LRRC57: variants seen among roughly 807,000 people sequenced by gnomAD.
LRRC57 encodes the protein leucine-rich repeat-containing protein 57.
Under a neutral mutation model 23.1 loss-of-function variants are expected in LRRC57, and 14 were observed. The ratio of observed to expected loss-of-function variants is 0.61; its 90% CI spans 0.40 to 0.95. The LOEUF is 0.95. Ranked by LOEUF, LRRC57 falls within the 40% of genes least tolerant of loss-of-function variation. The probability of loss-of-function intolerance (pLI) is 0.00; values close to 1 mark genes in which losing one functional copy is unlikely to be tolerated. For synonymous variants in LRRC57, 106 were observed against 115.2 expected (o/e 0.92, Z 0.51); for missense variants, 236 against 284.4 (o/e 0.83, Z 1.22).
At chr15:42,531,418 C>G in the LRRC57 span, 1 of 1,572,098 alleles carries the variant, frequency 6.4e-7, no homozygotes, top group Non-Finnish European at 8.6e-7. Context: ...TTCAGGCTGA[C>G]ACCAACAGAG....
At chr15:42,548,069 T>TGATC (rs1566827170) in intron 3 of LRRC57, 37 bp downstream of exon 3, 1 of 1,612,064 alleles carries the variant, frequency 6.2e-7, no homozygotes, top group Admixed American at 1.7e-5. Context: ...TGGTAACAGC[T>TGATC]GATCACTAGC....
Position 42,548,708 on chromosome 15 carries a change from T to C in LRRC57, c.-38A>G, listed in dbSNP as rs946677175. 5 of 631,800 alleles carry C rather than the reference T, an allele frequency of 7.9e-6. No individual in the cohort carries two copies. The highest frequency in any genetic ancestry group is 1.8e-5 in the African/African-American group (1 of 54,526). The allele number at this position is 631,800 out of a possible 1,614,324, so 39.1% of individuals were successfully genotyped here. On this transcript the variant is annotated 5_prime_UTR_variant, in exon 1 of 6. Coordinates refer to ENST00000397130, the MANE Select transcript of LRRC57 (RefSeq NM_153260.3). ...CCGGACTCGCCTCCCACCGCTCAGCTGCCGTAAGGCTCCGCAGGTGAAGAC... is the reference window on the plus strand; with the variant it reads ...CCGGACTCGCCTCCCACCGCTCAGCCGCCGTAAGGCTCCGCAGGTGAAGAC...
In LRRC57 at chr15:42,548,760, C is replaced by A. The variant is rs991235111; in HGVS notation, c.-90G>T. On this transcript the variant is annotated 5_prime_UTR_variant, in exon 1 of 6. Coordinates refer to ENST00000397130, the MANE Select transcript of LRRC57 (RefSeq NM_153260.3). ...CAGGACCCGCAGTAGCCGGGATGCGCTCCCCGGCTTAGTCCCGGGCGGGAA... is the reference window on the plus strand; with the variant it reads ...CAGGACCCGCAGTAGCCGGGATGCGATCCCCGGCTTAGTCCCGGGCGGGAA... 1.3e-5 allele frequency: 10 copies of A among 769,504 alleles called. No individual in the cohort carries two copies. The highest frequency in any genetic ancestry group is 5.4e-5 in the East Asian group (2 of 37,102). The allele number at this position is 769,504 out of a possible 1,614,324, so 47.7% of individuals were successfully genotyped here. A position where few individuals can be genotyped will look rare whatever the true frequency, so the allele number is the denominator to read the frequency against.
the LRRC57 span, chr15:42,529,526 T>C: frequency 5.4e-6 from 4 of 734,142 alleles, no homozygotes; most frequent in East Asian, 5.5e-5. Flanking sequence ...GTTTTTATTA[T>C]AGAATGTTTC....
At chr15:42,544,836 C>CTATATATATATATATATATATAT (rs1256583979) in intron 5 of LRRC57, among the ~76,000 whole-genome samples, 5 of 103,732 alleles carry the variant, frequency 4.8e-5, no homozygotes, top group African/African-American at 2.7e-4. Flanking sequence ...CACACACACA[C>CTATATATATATATATATATATAT]ACACACTATA....
At chr15:42,536,874 C>A (rs947092828), downstream of LRRC57, among the ~76,000 whole-genome samples, 1 of 152,106 alleles carries the variant, frequency 6.6e-6, no homozygotes, top group African/African-American at 2.4e-5. Context: ...AAAATTATAT[C>A]CCCCACTGAG....
intron 4 of LRRC57, among the ~76,000 whole-genome samples, chr15:42,545,833 G>A (rs2057655961): frequency 6.6e-6 from 1 of 152,002 alleles, no homozygotes; most frequent in African/African-American, 2.4e-5. Context: ...TCAAGTAGCT[G>A]TCTGTAATAC....
rs2057667036 is a variant in LRRC57, at chr15:42,547,616, G to A, written c.224-87C>T. ...GTTTATAAAGACTATATGGCAGCCT[G>A]CTTCGCCTCTTGTTAATATATGTAA... On this transcript the variant is annotated intron_variant, in intron 3 of 5. Transcript: ENST00000397130. The A allele has an allele frequency of 4.1e-6, 5 of 1,207,698 alleles. No individual in the cohort carries two copies. The African/African-American group carries it at 7.6e-5, about 18-fold the overall frequency. The allele number at this position is 1,207,698 out of a possible 1,614,324, so 74.8% of individuals were successfully genotyped here.
chr15:42,529,806 G>T, the LRRC57 span: 4 of 1,611,694 alleles, frequency 2.5e-6, no homozygotes, highest in South Asian at 2.2e-5. Flanking sequence ...CAAATAAAAC[G>T]AATCACAGAC....
In LRRC57 at chr15:42,539,779, A is replaced by G. The variant is rs971873936; in HGVS notation, c.*4304T>C. The stretch of plus-strand genomic sequence containing the variant: ...CTGTATATAGCCCTTGCCCTCAAAG[A>G]GTTAGTCTATCATGAAAGATAAATA... On this transcript the variant is annotated 3_prime_UTR_variant, in exon 6 of 6. Coordinates refer to ENST00000397130, the MANE Select transcript of LRRC57 (RefSeq NM_153260.3). 3.9e-5 allele frequency: 6 copies of G among 152,208 alleles called. No individual in the cohort carries two copies. The highest frequency in any genetic ancestry group is 1.2e-4 in the African/African-American group (5 of 41,450). The allele number at this position is 152,208 out of a possible 1,614,324, so 9.4% of individuals were successfully genotyped here.
chr15:42,529,827 C>T, the LRRC57 span: 1 of 1,609,366 alleles, frequency 6.2e-7, no homozygotes, highest in Non-Finnish European at 8.5e-7. Context: ...AAGGTAAAAG[C>T]TTTTTATTGC....
chr15:42,548,291 TC>T (rs1381894203), intron 2 of LRRC57, 47 bp from the exon 3 acceptor site: 1 of 1,613,670 alleles, frequency 6.2e-7, no homozygotes, highest in South Asian at 1.1e-5. Context: ...CCGACTAAGT[TC>T]GCCGCCCCCG....
downstream of LRRC57, among the ~76,000 whole-genome samples, chr15:42,534,157 G>T (rs1410492686): frequency 1.3e-5 from 2 of 152,188 alleles, no homozygotes. Flanking sequence ...TTGAGAAGGA[G>T]TCTTGCTCTG....
At chr15:42,528,506 TAAAAC>T in the LRRC57 span, 2 of 1,214,530 alleles carry the variant, frequency 1.6e-6, no homozygotes, top group African/African-American at 3.1e-5. Flanking sequence ...TGACCCCTAA[TAAAAC>T]AAATAAAAAT....
chr15:42,548,076 T>C (rs780945078), intron 3 of LRRC57, 30 bp downstream of exon 3: 2 of 1,612,864 alleles, frequency 1.2e-6, no homozygotes, highest in Admixed American at 1.7e-5. Flanking sequence ...AGCTGATCAC[T>C]AGCAAAAGCC....
Position 42,548,728 on chromosome 15 carries a change from G to T in LRRC57, c.-58C>A. Reference sequence around the variant, plus strand: ...TCAGCTGCCGTAAGGCTCCGCAGGTGAAGACCCAGGACCCGCAGTAGCCGG... The same window carrying T: ...TCAGCTGCCGTAAGGCTCCGCAGGTTAAGACCCAGGACCCGCAGTAGCCGG... On this transcript the variant is annotated 5_prime_UTR_variant, in exon 1 of 6. Coordinates refer to ENST00000397130, the MANE Select transcript of LRRC57 (RefSeq NM_153260.3). 1.5e-6 allele frequency: 1 copy of T among 654,758 alleles called. No individual in the cohort carries two copies. Among genetic ancestry groups the T allele is most frequent in the Non-Finnish European group, 2.6e-6 (1 of 384,798 alleles). 40.6% of individuals were successfully genotyped at this position (654,758 alleles called of 1,614,324 possible). A position where few individuals can be genotyped will look rare whatever the true frequency, so the allele number is the denominator to read the frequency against.
chr15:42,541,321 C>G lies in LRRC57; in HGVS notation c.*2762G>C, dbSNP rs181820012. ...GAGTTCAAGACCAGTCTGGCCAACA[C>G]GGTGAAACCCTGTCTCTACTAAAAA... On this transcript the variant is annotated 3_prime_UTR_variant, in exon 6 of 6. Transcript: ENST00000397130. 1 of 152,124 alleles carries G rather than the reference C, an allele frequency of 6.6e-6. No homozygotes were observed. The highest frequency in any genetic ancestry group is 1.9e-4 in the East Asian group (1 of 5,178). The allele number at this position is 152,124 out of a possible 1,614,324, so 9.4% of individuals were successfully genotyped here.
At chr15:42,547,578 C>A in intron 3 of LRRC57, 49 bp from the exon 4 acceptor site, 1 of 1,537,846 alleles carries the variant, frequency 6.5e-7, no homozygotes, top group Non-Finnish European at 8.8e-7. Flanking sequence ...GAGCTGAAAA[C>A]AACTTTGATG....
downstream of LRRC57, among the ~76,000 whole-genome samples, chr15:42,537,262 C>T (rs1245247778): frequency 6.6e-6 from 1 of 151,600 alleles, no homozygotes; most frequent in Non-Finnish European, 1.5e-5. Context: ...CACACACACA[C>T]ACGCACGCAC....
Sources: gnomAD v4.1 joint callset for allele counts (sites outside exome capture counted in the v4.1 genomes callset) on GRCh38, gnomAD v4.1.1 for gene constraint, MANE v1.5 for transcripts, NCBI Gene and HGNC (gene_info 2026-07-23, HGNC 2026-07-21) for gene names.